The following CCDC60 variants were observed in gnomAD, a reference collection of about 807,000 sequenced individuals.
The protein encoded by CCDC60 is coiled-coil domain containing 60.
Under a neutral mutation model 63.5 loss-of-function variants are expected in CCDC60, and 54 were observed. The observed-to-expected ratio is 0.85, with a 90% CI of 0.68 to 1.07. The LOEUF (loss-of-function observed/expected upper bound fraction) is 1.07, where lower values mean the gene tolerates loss of function less well. Among genes scored for constraint, CCDC60 ranks in the 50% least tolerant of loss-of-function variants. The pLI, the probability that CCDC60 is intolerant of heterozygous loss-of-function variation, is 0.00. For missense variants in CCDC60, 651 were observed against 684.3 expected, an observed-to-expected ratio of 0.95 and a Z score of 0.54; for synonymous variants, 206 against 238.8, an observed-to-expected ratio of 0.86 and a Z score of 1.27.
At chr12:119,444,260 C>G (rs528317947) in intron 2 of CCDC60, among the ~76,000 whole-genome samples, 1 of 152,228 alleles carries the variant, frequency 6.6e-6, no homozygotes, top group Non-Finnish European at 1.5e-5. Flanking sequence ...AGAGTTGTCA[C>G]AGTACGTGTT....
intron 7 of CCDC60, among the ~76,000 whole-genome samples, chr12:119,514,575 AT>A (rs1322194389): frequency 2.0e-5 from 3 of 152,144 alleles, no homozygotes; most frequent in Non-Finnish European, 4.4e-5. Context: ...AAAAGAAAAC[AT>A]TTTTTACAGA....
intron 2 of CCDC60, among the ~76,000 whole-genome samples, chr12:119,450,032 G>A (rs924791250): frequency 1.3e-5 from 2 of 152,098 alleles, no homozygotes; most frequent in African/African-American, 4.8e-5. Flanking sequence ...TCAACCTAGT[G>A]TCCATCAACA....
chr12:119,431,577 T>C (rs1950228472), intron 2 of CCDC60, among the ~76,000 whole-genome samples: 1 of 152,202 alleles, frequency 6.6e-6, no homozygotes, highest in Non-Finnish European at 1.5e-5. Flanking sequence ...AGTTTTTTAG[T>C]CCTACAAAGA....
chr12:119,507,565 TA>T (rs1952055908), intron 7 of CCDC60, among the ~76,000 whole-genome samples: 15 of 67,568 alleles, frequency 2.2e-4, no homozygotes, highest in African/African-American at 9.3e-4. Context: ...TATATATATA[TA>T]TATGTATATA....
At chr12:119,519,430 T>TGCGCAC (rs1303530018) in intron 8 of CCDC60, among the ~76,000 whole-genome samples, 1 of 131,614 alleles carries the variant, frequency 7.6e-6, no homozygotes, top group Non-Finnish European at 1.6e-5. Flanking sequence ...TGTGTGTGTG[T>TGCGCAC]GTGTGCGCGT....
At chr12:119,391,664 C>T (rs1398673977) in intron 1 of CCDC60, among the ~76,000 whole-genome samples, 1 of 152,218 alleles carries the variant, frequency 6.6e-6, no homozygotes, top group Non-Finnish European at 1.5e-5. Flanking sequence ...CGGTGTCTGG[C>T]ACCTAGCAAA....
intron 4 of CCDC60, among the ~76,000 whole-genome samples, chr12:119,480,017 C>G (rs1319906406): frequency 1.3e-4 from 19 of 151,366 alleles, no homozygotes; most frequent in African/African-American, 4.6e-4. Context: ...CACACACACA[C>G]ACACACACAC....
In CCDC60 at chr12:119,456,058, A is replaced by G. The variant is rs867559017; in HGVS notation, c.171-15936A>G. On this transcript the variant is annotated intron_variant, in intron 2 of 13. Coordinates refer to ENST00000327554, the MANE Select transcript of CCDC60 (RefSeq NM_178499.5). This position sits in a 1 kb window ranked among gnomAD's most constrained non-coding sequence, Gnocchi z 4.6. ...AAGAAAGAAAGAAAGAAAGAAAGAA[A>G]GAAAGCAAGCAAGCATGTGCAATTT... 2.4e-4 allele frequency among the ~76,000 whole-genome samples: 29 copies of G among 121,900 alleles called. 1 individual carries two copies. Among genetic ancestry groups the G allele is most frequent in the Non-Finnish European group, 3.9e-4 (23 of 58,338 alleles). The allele number at this position is 121,900 out of a possible 152,430, so 80.0% of individuals were successfully genotyped here.
chr12:119,503,679 A>G (rs1951914973), intron 6 of CCDC60, among the ~76,000 whole-genome samples: 1 of 152,064 alleles, frequency 6.6e-6, no homozygotes, highest in South Asian at 2.1e-4. Context: ...CAACCAAGAA[A>G]TCCCTCCCCT....
At chr12:119,516,571 C>T in intron 7 of CCDC60, 52 bp from the exon 8 acceptor site, 5 of 1,313,026 alleles carry the variant, frequency 3.8e-6, no homozygotes, top group Middle Eastern at 2.1e-4. Context: ...TCTGCACAAT[C>T]CTGTCTCAGG....
chr12:119,416,064 T>C (rs4384428), intron 1 of CCDC60, among the ~76,000 whole-genome samples: 98,088 of 151,946 alleles, frequency 0.65, 32,591 homozygotes, highest in African/African-American at 0.8. Context: ...AAGGATTCCT[T>C]ATAGGGTTGG....
chr12:119,478,594 A>G (rs1026920425), intron 3 of CCDC60, among the ~76,000 whole-genome samples: 1 of 147,808 alleles, frequency 6.8e-6, no homozygotes, highest in African/African-American at 2.5e-5. Context: ...ATACTCCATA[A>G]GGCAGGGACT....
chr12:119,417,984 C>T (rs745962334), intron 1 of CCDC60, among the ~76,000 whole-genome samples: 1 of 152,164 alleles, frequency 6.6e-6, no homozygotes, highest in Non-Finnish European at 1.5e-5. Flanking sequence ...GGGTTTCAGT[C>T]ACTTCATATT....
chr12:119,460,912 C>A (rs1310118568), intron 2 of CCDC60, among the ~76,000 whole-genome samples: 1 of 152,110 alleles, frequency 6.6e-6, no homozygotes. Context: ...CCATTTGTTC[C>A]TATTCTACAG....
intron 1 of CCDC60, among the ~76,000 whole-genome samples, chr12:119,397,555 A>G (rs923791824): frequency 1.3e-5 from 2 of 151,136 alleles, no homozygotes; most frequent in Non-Finnish European, 1.5e-5. Flanking sequence ...ATGAACCCCG[A>G]GCTAGACACA....
intron 1 of CCDC60, among the ~76,000 whole-genome samples, chr12:119,381,571 G>A (rs1956008163): frequency 6.6e-6 from 1 of 152,186 alleles, no homozygotes; most frequent in Non-Finnish European, 1.5e-5. Flanking sequence ...AGACTCAGTG[G>A]TAGTAATCAC....
intron 1 of CCDC60, among the ~76,000 whole-genome samples, chr12:119,396,305 C>G (rs548756046): frequency 6.6e-6 from 1 of 152,296 alleles, no homozygotes; most frequent in South Asian, 2.1e-4. Flanking sequence ...ATGACTTTAT[C>G]TTGACTAATT....
intron 4 of CCDC60, 160 bp downstream of exon 4, chr12:119,479,361 C>A: frequency 1.7e-6 from 1 of 595,156 alleles, no homozygotes; most frequent in Non-Finnish European, 3.0e-6. Flanking sequence ...ATAAAAATAA[C>A]AGAAAGTAGA....
At chr12:119,521,405 T>A (rs1007325826) in intron 9 of CCDC60, among the ~76,000 whole-genome samples, 33 of 152,078 alleles carry the variant, frequency 2.2e-4, no homozygotes, top group Non-Finnish European at 1.0e-4. Flanking sequence ...AGCCATAACA[T>A]CATGACTGTG....
Sources: gnomAD v4.1 joint callset for allele counts (sites outside exome capture counted in the v4.1 genomes callset) on GRCh38, gnomAD v4.1.1 for gene constraint, Gnocchi (gnomAD v3.1) non-coding constraint, MANE v1.5 for transcripts, NCBI Gene and HGNC (gene_info 2026-07-23, HGNC 2026-07-21) for gene names.